Variants in FAM222A observed in about 807,000 individuals in gnomAD.
The protein encoded by FAM222A is protein FAM222A.
Under a neutral mutation model 25.8 loss-of-function variants are expected in FAM222A, and 7 were observed. That is an observed-to-expected ratio of 0.27 (90% CI 0.15 to 0.51). The LOEUF (loss-of-function observed/expected upper bound fraction) is 0.51, where lower values mean the gene tolerates loss of function less well. Ranked by LOEUF, FAM222A falls within the 20% of genes least tolerant of loss-of-function variation. The probability of loss-of-function intolerance (pLI) is 0.97; values close to 1 mark genes in which losing one functional copy is unlikely to be tolerated. For synonymous variants in FAM222A, 294 were observed against 298.8 expected (o/e 0.98, Z 0.17); for missense variants, 573 against 640.5 (o/e 0.89, Z 1.14).
chr12:109,731,444 T>G (rs10128941), intron 1 of FAM222A, among the ~76,000 whole-genome samples: 3,586 of 152,238 alleles, frequency 0.024, 162 homozygotes, highest in African/African-American at 0.082. Flanking sequence ...GAGCAAATCC[T>G]CTTCCTCTCG....
At chr12:109,734,860 T>C (rs1378779160) in intron 1 of FAM222A, 5 of 152,208 alleles carry the variant, frequency 3.3e-5, no homozygotes, top group African/African-American at 1.2e-4. Flanking sequence ...CTACCCTCAC[T>C]CACAGCAGAG....
In FAM222A at chr12:109,768,578, C is replaced by A; in HGVS notation, c.649C>A (p.Pro217Thr). 6.2e-7 allele frequency: 1 copy of A among 1,601,946 alleles called. No individual in the cohort carries two copies. Among genetic ancestry groups the A allele is most frequent in the Non-Finnish European group, 8.5e-7 (1 of 1,176,114 alleles). Residue 217 changes from proline to threonine, a missense_variant, in exon 3 of 3, where the codon CCC becomes ACC. Physicochemically the swap from Pro to Thr is conservative, Grantham distance 38 (BLOSUM62 -1). Transcript: ENST00000538780. Reference protein sequence around the residue: ...NQQCQAPGAAPPACQGMAIPH... With the variant: ...NQQCQAPGAATPACQGMAIPH... ...GCAGTGCCAGGCCCCGGGCGCCGCA[C>A]CCCCTGCCTGCCAGGGCATGGCTAT...
intron 1 of FAM222A, among the ~76,000 whole-genome samples, chr12:109,742,703 A>G (rs1888279127): frequency 6.6e-6 from 1 of 151,210 alleles, no homozygotes. Flanking sequence ...CTTTCAGGGT[A>G]CCTTTGCTGA....
At chr12:109,762,507 CT>C (rs1031944222) in intron 2 of FAM222A, among the ~76,000 whole-genome samples, 60 of 152,358 alleles carry the variant, frequency 3.9e-4, no homozygotes, top group African/African-American at 1.4e-3. Context: ...CGCAGGCCCC[CT>C]CCCCACCATC....
At chr12:109,720,885 C>A (rs941396982) in intron 1 of FAM222A, among the ~76,000 whole-genome samples, 1 of 152,190 alleles carries the variant, frequency 6.6e-6, no homozygotes, top group Admixed American at 6.5e-5. Flanking sequence ...AGTGAACAAG[C>A]CAGACGTGGG....
chr12:109,742,038 T>C (rs1251966406), intron 1 of FAM222A: 2 of 152,336 alleles, frequency 1.3e-5, no homozygotes, highest in African/African-American at 4.8e-5. Flanking sequence ...AGATGGACTC[T>C]GCCCTGGAGC....
At chr12:109,761,281 C>T (rs718838) in intron 2 of FAM222A, among the ~76,000 whole-genome samples, 23,392 of 152,018 alleles carry the variant, frequency 0.15, 1,992 homozygotes, top group East Asian at 0.31. Flanking sequence ...CAGAAGCTGC[C>T]TCACCAAGGT....
intron 2 of FAM222A, among the ~76,000 whole-genome samples, chr12:109,746,229 C>T (rs893675202): frequency 2.5e-4 from 38 of 152,180 alleles, no homozygotes; most frequent in Non-Finnish European, 4.4e-4. Flanking sequence ...TGGCTCATGC[C>T]TGTAATCCTA....
chr12:109,721,983 C>T (rs947770478), intron 1 of FAM222A, among the ~76,000 whole-genome samples: 3 of 152,058 alleles, frequency 2.0e-5, no homozygotes, highest in African/African-American at 7.2e-5. Flanking sequence ...GTTGGGTGGC[C>T]GAGCTGGCAT....
chr12:109,743,981 G>A (rs1439231093), intron 1 of FAM222A, 120 bp from the exon 2 acceptor site: 7 of 1,418,544 alleles, frequency 4.9e-6, no homozygotes, highest in Non-Finnish European at 4.6e-6. Flanking sequence ...AGGGAAATGG[G>A]TGTCTGCTTT....
At chr12:109,718,839 A>T (rs1246951698) in intron 1 of FAM222A, among the ~76,000 whole-genome samples, 4 of 152,244 alleles carry the variant, frequency 2.6e-5, no homozygotes, top group Admixed American at 2.0e-4. Flanking sequence ...TTTAGTCTGC[A>T]CGGGCTGGGT....
At chr12:109,743,973 G>A (rs1479125084) in intron 1 of FAM222A, 128 bp from the exon 2 acceptor site, 1 of 1,416,358 alleles carries the variant, frequency 7.1e-7, no homozygotes, top group Non-Finnish European at 9.2e-7. Flanking sequence ...GTCGAATAAG[G>A]GAAATGGGTG....
chr12:109,754,759 C>T (rs1457540880), intron 2 of FAM222A, among the ~76,000 whole-genome samples: 1 of 152,002 alleles, frequency 6.6e-6, no homozygotes, highest in Non-Finnish European at 1.5e-5. Flanking sequence ...CCTCGACCTC[C>T]TGGGCTTCAG....
chr12:109,720,501 G>A (rs1281253334), intron 1 of FAM222A, among the ~76,000 whole-genome samples: 1 of 152,242 alleles, frequency 6.6e-6, no homozygotes, highest in African/African-American at 2.4e-5. Flanking sequence ...CCTGAATGCA[G>A]GGCTTGGCCC....
intron 1 of FAM222A, among the ~76,000 whole-genome samples, chr12:109,738,976 C>T (rs1000650177): frequency 6.6e-6 from 1 of 152,228 alleles, no homozygotes; most frequent in Non-Finnish European, 1.5e-5. Context: ...CCTCTGGGGC[C>T]AGCTCTCTTC....
intron 1 of FAM222A, among the ~76,000 whole-genome samples, chr12:109,720,967 C>G (rs1003648375): frequency 1.3e-5 from 2 of 152,124 alleles, no homozygotes; most frequent in African/African-American, 2.4e-5. Flanking sequence ...GCTGGAGTAG[C>G]CAGGGAGGGC....
intron 1 of FAM222A, among the ~76,000 whole-genome samples, chr12:109,719,421 A>G (rs1418484933): frequency 6.6e-6 from 1 of 152,016 alleles, no homozygotes; most frequent in Non-Finnish European, 1.5e-5. Flanking sequence ...ATTCGGTAAA[A>G]CCAGGCTTTA....
chr12:109,742,098 C>G (rs537279925), intron 1 of FAM222A: 2 of 152,440 alleles, frequency 1.3e-5, no homozygotes, highest in African/African-American at 4.8e-5. Flanking sequence ...TGCCACAGGC[C>G]TCTTACCTTC....
At chr12:109,717,741 C>T (rs552429335) in intron 1 of FAM222A, among the ~76,000 whole-genome samples, 3 of 152,318 alleles carry the variant, frequency 2.0e-5, no homozygotes, top group South Asian at 2.1e-4. Flanking sequence ...GTGGCCACCT[C>T]GGTTCTGGGG....
Sources: allele counts gnomAD v4.1 joint callset (sites outside exome capture counted in the v4.1 genomes callset), GRCh38; gene constraint gnomAD v4.1.1; transcripts MANE v1.5; gene names NCBI Gene and HGNC (gene_info 2026-07-23, HGNC 2026-07-21).